PAM16: variants seen among roughly 807,000 people sequenced by gnomAD.
PAM16 encodes the protein presequence translocase associated motor 16.
Under a neutral mutation model 17.9 loss-of-function variants are expected in PAM16, and 11 were observed. That is an observed-to-expected ratio of 0.62 (90% CI 0.39 to 1.02). PAM16 has a LOEUF of 1.02. PAM16 is among the 50% of genes least tolerant of loss of function. The pLI, the probability that PAM16 is intolerant of heterozygous loss-of-function variation, is 0.01. For synonymous variants in PAM16, 72 were observed against 67.4 expected, an observed-to-expected ratio of 1.07 and a Z score of -0.34; for missense variants, 199 against 165.4, an observed-to-expected ratio of 1.20 and a Z score of -1.11.
At position 4,340,399 on chromosome 16, in the gene PAM16, G is replaced by T. The variant is rs558716310; in HGVS notation, c.298C>A (p.Arg100Ser). 2 of 1,611,818 alleles carry T rather than the reference G, an allele frequency of 1.2e-6. No individual in the cohort carries two copies. Among genetic ancestry groups the T allele is most frequent in the Non-Finnish European group, 1.7e-6 (2 of 1,179,770 alleles). The change falls in exon 5 of 5, where the codon CGC becomes AGC. Residue 100 changes from arginine (R) to serine (S), a missense_variant. Arg to Ser is a moderately radical substitution (Grantham distance 110). Transcript: ENST00000318059. Reference sequence around the variant, plus strand: ...TCCTCATCCAGGCGCTCCTTTGCGCGGACCACCTAGTGGGTCACGGATAAT... The same window carrying T: ...TCCTCATCCAGGCGCTCCTTTGCGCTGACCACCTAGTGGGTCACGGATAAT... ...GSFYLQSKVV[R>S]AKERLDEELK...
intron 1 of PAM16, chr16:4,343,821 T>C (rs905822988): frequency 7.5e-6 from 3 of 399,744 alleles, no homozygotes; most frequent in Non-Finnish European, 1.3e-5. Context: ...TATGCAAACC[T>C]GTTTCCATCT....
At chr16:4,342,072 C>T (rs935810900) in intron 2 of PAM16, among the ~76,000 whole-genome samples, 4 of 152,252 alleles carry the variant, frequency 2.6e-5, no homozygotes, top group Admixed American at 6.5e-5. Flanking sequence ...GCCTGTCGGC[C>T]GGGCACAGTG....
intron 1 of PAM16, among the ~76,000 whole-genome samples, chr16:4,348,953 CTTTTTTTTTT>C (rs1219395068): frequency 5.3e-5 from 6 of 114,242 alleles, no homozygotes; most frequent in African/African-American, 1.7e-4. Flanking sequence ...CTAGCACTTT[CTTTTTTTTTT>C]TTTTTTTTTG....
chr16:4,340,469 GGGAT>G, intron 4 of PAM16, 64 bp from the exon 5 acceptor site: 27 of 1,565,050 alleles, frequency 1.7e-5, no homozygotes, highest in Non-Finnish European at 2.3e-5. Flanking sequence ...TTGCCCACAT[GGGAT>G]GGCCTATTCC....
Position 4,351,262 on chromosome 16 carries a change from A to AGCCG in PAM16, c.-29_-28insCGGC. 1 of 1,464,760 alleles carries AGCCG rather than the reference A, an allele frequency of 6.8e-7. No homozygotes were observed. Among genetic ancestry groups the AGCCG allele is most frequent in the Non-Finnish European group, 9.1e-7 (1 of 1,100,682 alleles). 90.7% of individuals were successfully genotyped at this position (1,464,760 alleles called of 1,614,324 possible). On this transcript the variant is annotated 5_prime_UTR_variant, in exon 1 of 5. Coordinates refer to ENST00000318059, the MANE Select transcript of PAM16 (RefSeq NM_016069.11). ...CAGCCGCTCTGCCTCCGGGGCTCAA[A>AGCCG]CTCCGACTTCCTGGCCCCGCGGCCG...
chr16:4,342,462 C>T (rs1317832333), intron 2 of PAM16, among the ~76,000 whole-genome samples: 1 of 151,676 alleles, frequency 6.6e-6, no homozygotes, highest in African/African-American at 2.4e-5. Context: ...CAAGACCAGC[C>T]TGACCAACAC....
chr16:4,343,384 G>A lies in PAM16; in HGVS notation c.4-93C>T, dbSNP rs369812109. 2.9e-5 allele frequency: 44 copies of A among 1,509,898 alleles called. 1 individual carries two copies. The South Asian group carries it at 4.8e-4, about 16-fold the overall frequency. The allele number at this position is 1,509,898 out of a possible 1,614,324, so 93.5% of individuals were successfully genotyped here. A position where few individuals can be genotyped will look rare whatever the true frequency, so the allele number is the denominator to read the frequency against. Reference sequence around the variant, plus strand: ...ACGGCTGCCGAGGGGCAAGGCTCCCGGAGACCCGAGGTCATGAAGCACAGA... The same window carrying A: ...ACGGCTGCCGAGGGGCAAGGCTCCCAGAGACCCGAGGTCATGAAGCACAGA... On this transcript the variant is annotated intron_variant, in intron 1 of 4. Coordinates refer to ENST00000318059, the MANE Select transcript of PAM16 (RefSeq NM_016069.11).
intron 1 of PAM16, among the ~76,000 whole-genome samples, chr16:4,344,983 T>A (rs1192697510): frequency 1.3e-5 from 2 of 151,102 alleles, no homozygotes; most frequent in Middle Eastern, 3.4e-3. Context: ...CAGAAGGGAG[T>A]TCCTGCGAGC....
At chr16:4,342,279 AC>A (rs1382072792) in intron 2 of PAM16, among the ~76,000 whole-genome samples, 1 of 152,020 alleles carries the variant, frequency 6.6e-6, no homozygotes. Context: ...CATTGCTTGA[AC>A]CCGGGAGGCA....
intron 1 of PAM16, among the ~76,000 whole-genome samples, chr16:4,350,634 C>A (rs1048307728): frequency 4.6e-5 from 7 of 152,112 alleles, no homozygotes; most frequent in Non-Finnish European, 7.3e-5. Flanking sequence ...AACTCCTGAC[C>A]TCGTGATCCG....
intron 1 of PAM16, among the ~76,000 whole-genome samples, chr16:4,349,746 G>A (rs187450781): frequency 3.3e-5 from 5 of 152,044 alleles, no homozygotes; most frequent in South Asian, 2.1e-4. Flanking sequence ...TAGCCGGGGC[G>A]ACAGACAGAC....
In PAM16 at chr16:4,341,397, A is replaced by T; in HGVS notation, c.196T>A (p.Ser66Thr). The T allele has an allele frequency of 6.3e-7, 1 of 1,592,724 alleles. No individual in the cohort carries two copies. Among genetic ancestry groups the T allele is most frequent in the African/African-American group, 1.3e-5 (1 of 74,754 alleles). ...LQEAQQILNV[S>T]KLSPEEVQKN... is the part of the protein sequence containing the mutation. ...TGGACCTCCTCAGGGCTCAGCTTGGACACGTTGAGAATCTGCTGTGCCTCC... is the reference window on the plus strand; with the variant it reads ...TGGACCTCCTCAGGGCTCAGCTTGGTCACGTTGAGAATCTGCTGTGCCTCC... Residue 66 changes from serine (S) to threonine (T), a missense_variant, in exon 3 of 5, where the codon TCC becomes ACC. By Grantham distance (58) the Ser-to-Thr change is moderately conservative. Coordinates refer to ENST00000318059, the MANE Select transcript of PAM16 (RefSeq NM_016069.11).
At position 4,351,250 on chromosome 16, in the gene PAM16, T is replaced by G; in HGVS notation, c.-16A>C. On this transcript the variant is annotated 5_prime_UTR_variant, in exon 1 of 5. Transcript: ENST00000318059. The stretch of plus-strand genomic sequence containing the variant: ...GGCTCACCATGGCAGCCGCTCTGCC[T>G]CCGGGGCTCAAACTCCGACTTCCTG... 6.8e-7 allele frequency: 1 copy of G among 1,467,382 alleles called. No homozygotes were observed. Among genetic ancestry groups the G allele is most frequent in the Non-Finnish European group, 9.1e-7 (1 of 1,102,736 alleles). The allele number at this position is 1,467,382 out of a possible 1,614,324, so 90.9% of individuals were successfully genotyped here.
chr16:4,342,383 G>A (rs887006592), intron 2 of PAM16, among the ~76,000 whole-genome samples: 1 of 145,466 alleles, frequency 6.9e-6, no homozygotes, highest in East Asian at 2.1e-4. Flanking sequence ...GGCTGGGTGC[G>A]GTGGCTCACG....
chr16:4,341,630 C>T, intron 2 of PAM16, 126 bp from the exon 3 acceptor site: 1 of 1,430,036 alleles, frequency 7.0e-7, no homozygotes, highest in Non-Finnish European at 9.3e-7. Context: ...TGGCTAGGAG[C>T]TGCCTCTTCT....
At chr16:4,343,639 A>G (rs2053686972) in intron 1 of PAM16, 1 of 1,191,320 alleles carries the variant, frequency 8.4e-7, no homozygotes, top group Non-Finnish European at 1.1e-6. Context: ...ACACAGGGAC[A>G]GCCCTGGACC....
At chr16:4,349,982 G>A (rs548021231) in intron 1 of PAM16, among the ~76,000 whole-genome samples, 46 of 152,194 alleles carry the variant, frequency 3.0e-4, no homozygotes, top group African/African-American at 1.0e-3. Context: ...CTTGTACGCC[G>A]TTAGCTGTTA....
chr16:4,340,290 C>T lies in PAM16; in HGVS notation c.*29G>A, dbSNP rs377506577. On this transcript the variant is annotated 3_prime_UTR_variant, in exon 5 of 5. Coordinates refer to ENST00000318059, the MANE Select transcript of PAM16 (RefSeq NM_016069.11). ...TTATTACCAAGCTATAAATTAGAGGCGGCGGGGTGGGCGGGGGGAGCCGAG... is the reference window on the plus strand; with the variant it reads ...TTATTACCAAGCTATAAATTAGAGGTGGCGGGGTGGGCGGGGGGAGCCGAG... 3.4e-5 allele frequency: 49 copies of T among 1,435,908 alleles called. No homozygotes were observed. The highest frequency in any genetic ancestry group is 2.4e-4 in the African/African-American group (16 of 65,948). The allele number at this position is 1,435,908 out of a possible 1,614,324, so 88.9% of individuals were successfully genotyped here. A position where few individuals can be genotyped will look rare whatever the true frequency, so the allele number is the denominator to read the frequency against.
intron 1 of PAM16, chr16:4,344,009 C>G: frequency 2.5e-6 from 1 of 398,038 alleles, no homozygotes. Flanking sequence ...GGTCCCTGCC[C>G]CGAGTCAGAG....
Sources: allele counts gnomAD v4.1 joint callset (sites outside exome capture counted in the v4.1 genomes callset), GRCh38; gene constraint gnomAD v4.1.1; transcripts MANE v1.5; gene names NCBI Gene and HGNC (gene_info 2026-07-23, HGNC 2026-07-21).